Variants in CDKAL1 observed in about 807,000 individuals in gnomAD.
CDKAL1 encodes CDKAL1 threonylcarbamoyladenosine tRNA methylthiotransferase.
In CDKAL1, 32 loss-of-function variants were observed where a neutral mutation model predicts 68.2. That is an observed-to-expected ratio of 0.47 (90% CI 0.35 to 0.63). The LOEUF is 0.63. CDKAL1 is among the 30% of genes least tolerant of loss of function. CDKAL1 has a pLI of 0.00. For synonymous variants in CDKAL1, 234 were observed against 244.3 expected, an observed-to-expected ratio of 0.96 and a Z score of 0.39; for missense variants, 606 against 696.7, an observed-to-expected ratio of 0.87 and a Z score of 1.47.
Position 20,934,080 on chromosome 6 carries a change from T to C in CDKAL1, c.743-21339T>C, listed in dbSNP as rs188573612. ...CAAAATAGATTTCGATTGACACAGG[T>C]TGTAAAACAAATAAACAGCTTTGAG... On this transcript the variant is annotated intron_variant, in intron 9 of 15. Transcript: ENST00000274695. Among the ~76,000 whole-genome samples the C allele has an allele frequency of 4.3e-3, 650 of 152,170 alleles. 5 individuals carry two copies. Among genetic ancestry groups the C allele is most frequent in the African/African-American group, 0.015 (627 of 41,518 alleles).
At chr6:20,630,867 C>G (rs527655832) in intron 4 of CDKAL1, among the ~76,000 whole-genome samples, 55 of 152,256 alleles carry the variant, frequency 3.6e-4, no homozygotes, top group African/African-American at 1.3e-3. Context: ...GTTATAAATA[C>G]TTAGGTCATG....
chr6:21,193,312 GAGAGAGAGAGAACA>G (rs772705499), intron 13 of CDKAL1, among the ~76,000 whole-genome samples: 1 of 152,182 alleles, frequency 6.6e-6, no homozygotes, highest in Non-Finnish European at 1.5e-5. Context: ...AAAAGAGAGA[GAGAGAGAGAGAACA>G]AGAGAGAGAC....
intron 9 of CDKAL1, among the ~76,000 whole-genome samples, chr6:20,910,300 T>C (rs956546371): frequency 6.6e-6 from 1 of 152,092 alleles, no homozygotes; most frequent in Non-Finnish European, 1.5e-5. Flanking sequence ...GTTTAGGTAA[T>C]GCTGCCTGAC....
chr6:21,188,290 G>A (rs1375532305), intron 13 of CDKAL1, among the ~76,000 whole-genome samples: 8 of 152,000 alleles, frequency 5.3e-5, no homozygotes, highest in Non-Finnish European at 1.0e-4. Flanking sequence ...TCATCAACAC[G>A]TTACATGTCT....
intron 8 of CDKAL1, among the ~76,000 whole-genome samples, chr6:20,802,319 AATAATAAT>A (rs1287366149): frequency 2.8e-5 from 1 of 35,466 alleles, no homozygotes; most frequent in African/African-American, 9.1e-5. Context: ...CAACAACAAT[AATAATAAT>A]AATAATAATA....
intron 9 of CDKAL1, among the ~76,000 whole-genome samples, chr6:20,888,136 C>T (rs1021642545): frequency 2.0e-5 from 3 of 151,860 alleles, no homozygotes; most frequent in African/African-American, 7.3e-5. Flanking sequence ...TTCCCGCACC[C>T]CATGACAGGC....
intron 7 of CDKAL1, among the ~76,000 whole-genome samples, chr6:20,766,710 T>C (rs1291931648): frequency 1.3e-5 from 2 of 152,200 alleles, no homozygotes; most frequent in African/African-American, 4.8e-5. Context: ...ACATCCTTGC[T>C]TTTACATGTG....
At chr6:20,590,033 A>ATAAG (rs958832721) in intron 4 of CDKAL1, among the ~76,000 whole-genome samples, 1 of 152,192 alleles carries the variant, frequency 6.6e-6, no homozygotes, top group Non-Finnish European at 1.5e-5. Flanking sequence ...TATGACAGTT[A>ATAAG]TAAGTAGTAA....
chr6:21,098,934 T>A (rs1003782946), intron 12 of CDKAL1, among the ~76,000 whole-genome samples: 2 of 152,186 alleles, frequency 1.3e-5, no homozygotes, highest in African/African-American at 4.8e-5. Flanking sequence ...TGAAATTTGA[T>A]TCCCTGAGCA....
Position 20,732,263 on chromosome 6 carries a change from CTTTTTT to C in CDKAL1, c.372-7239_372-7234del, listed in dbSNP as rs56911987. ...TTTTTTCTTTTTCTTTTCTTTCTTT[CTTTTTT>C]TTTTTTTTTTTTTTTTGTTGTTGTT... On this transcript the variant is annotated intron_variant, in intron 5 of 15. Transcript: ENST00000274695. Among the ~76,000 whole-genome samples the C allele has an allele frequency of 8.5e-4, 71 of 83,462 alleles. 1 individual carries two copies. Among genetic ancestry groups the C allele is most frequent in the African/African-American group, 1.6e-3 (32 of 20,494 alleles). The allele number at this position is 83,462 out of a possible 152,430, so 54.8% of individuals were successfully genotyped here. A position where few individuals can be genotyped will look rare whatever the true frequency, so the allele number is the denominator to read the frequency against.
intron 13 of CDKAL1, among the ~76,000 whole-genome samples, chr6:21,122,625 TTTATTTA>T (rs1774782473): frequency 2.9e-4 from 11 of 37,508 alleles, no homozygotes; most frequent in East Asian, 1.7e-3. Flanking sequence ...CTGTATTTTA[TTTATTTA>T]TTTATTTATT....
At chr6:20,869,884 G>T (rs559996497) in intron 9 of CDKAL1, among the ~76,000 whole-genome samples, 1 of 152,022 alleles carries the variant, frequency 6.6e-6, no homozygotes, top group African/African-American at 2.4e-5. Context: ...AATTTATAAC[G>T]GGGTGCAGTG....
chr6:21,107,022 A>G (rs1436567598), intron 12 of CDKAL1, among the ~76,000 whole-genome samples: 2 of 143,682 alleles, frequency 1.4e-5, no homozygotes, highest in Admixed American at 1.5e-4. Flanking sequence ...ATCTCGGCTC[A>G]CTGCAAGCTC....
intron 9 of CDKAL1, among the ~76,000 whole-genome samples, chr6:20,889,586 A>G (rs186912025): frequency 7.9e-4 from 121 of 152,212 alleles, no homozygotes; most frequent in African/African-American, 2.9e-3. Context: ...AGCTTTCTAC[A>G]TATGGCCAGC....
chr6:20,823,619 G>T (rs939858771), intron 8 of CDKAL1, among the ~76,000 whole-genome samples: 1 of 152,122 alleles, frequency 6.6e-6, no homozygotes, highest in Non-Finnish European at 1.5e-5. Context: ...CATAAAAAAT[G>T]TTCCTGGAGT....
At position 20,613,032 on chromosome 6, in the gene CDKAL1, CACACACACACACAA is replaced by C. The variant is rs1203056311; in HGVS notation, c.287-36259_287-36246del. Among the ~76,000 whole-genome samples the C allele has an allele frequency of 6.6e-3, 859 of 130,062 alleles. 10 individuals carry two copies. The highest frequency in any genetic ancestry group is 0.024 in the African/African-American group (802 of 33,562). The allele number at this position is 130,062 out of a possible 152,430, so 85.3% of individuals were successfully genotyped here. ...ACACACACACACACACACACACACACACACACACACACAAAGGGTATGGATTTATAAGAATAAAT... is the reference window on the plus strand; with the variant it reads ...ACACACACACACACACACACACACACAGGGTATGGATTTATAAGAATAAAT... On this transcript the variant is annotated intron_variant, in intron 4 of 15. Transcript: ENST00000274695.
chr6:20,741,814 G>C (rs1036158318), intron 6 of CDKAL1, among the ~76,000 whole-genome samples: 41 of 152,188 alleles, frequency 2.7e-4, no homozygotes, highest in African/African-American at 9.4e-4. Context: ...ATATTTCTCT[G>C]GGTATATACC....
chr6:20,977,877 C>G (rs1016735004), intron 10 of CDKAL1, among the ~76,000 whole-genome samples: 1 of 151,934 alleles, frequency 6.6e-6, no homozygotes, highest in Non-Finnish European at 1.5e-5. Context: ...GACTCCGTCT[C>G]AAAATATTAA....
rs573984436 is a variant in CDKAL1 at position 21,091,953 on chromosome 6, C to T, written c.1237-16448C>T. 3.1e-3 allele frequency among the ~76,000 whole-genome samples: 441 copies of T among 143,686 alleles called. 2 individuals are homozygous for T. Among genetic ancestry groups the T allele is most frequent in the African/African-American group, 0.011 (411 of 39,078 alleles). 94.3% of individuals were successfully genotyped at this position (143,686 alleles called of 152,430 possible). On this transcript the variant is annotated intron_variant, in intron 12 of 15. Transcript: ENST00000274695. Reference sequence around the variant, plus strand: ...CCAGGCTGGAGTGCAGTGGCGTGATCTCGGCTCACTGCAAGCTCCGCCTCC... The same window carrying T: ...CCAGGCTGGAGTGCAGTGGCGTGATTTCGGCTCACTGCAAGCTCCGCCTCC...
Sources: allele counts gnomAD v4.1 joint callset (sites outside exome capture counted in the v4.1 genomes callset), GRCh38; gene constraint gnomAD v4.1.1; transcripts MANE v1.5; gene names NCBI Gene and HGNC (gene_info 2026-07-23, HGNC 2026-07-21).